The following AGAP1 variants were observed in gnomAD, a reference collection of about 807,000 sequenced individuals.
AGAP1 encodes the protein arf-GAP with GTPase, ANK repeat and PH domain-containing protein 1.
Under a neutral mutation model 105.3 loss-of-function variants are expected in AGAP1, and 29 were observed. That is an observed-to-expected ratio of 0.28 (90% CI 0.21 to 0.38). The LOEUF (loss-of-function observed/expected upper bound fraction) is 0.38, where lower values mean the gene tolerates loss of function less well. Among genes scored for constraint, AGAP1 ranks in the 10% least tolerant of loss-of-function variants. AGAP1 has a pLI of 1.00. For synonymous variants in AGAP1, 509 were observed against 485.9 expected (o/e 1.05, Z -0.63); for missense variants, 998 against 1,165.1 (o/e 0.86, Z 2.09).
chr2:235,767,324 G>C (rs965075160), intron 6 of AGAP1, among the ~76,000 whole-genome samples: 1 of 152,208 alleles, frequency 6.6e-6, no homozygotes, highest in Non-Finnish European at 1.5e-5. Flanking sequence ...GGCACCTCAC[G>C]TTAGCGTCTG....
intron 3 of AGAP1, chr2:235,718,397 CTA>C (rs1189328377): frequency 4.1e-6 from 4 of 984,656 alleles, no homozygotes; most frequent in Non-Finnish European, 4.8e-6. Context: ...ATGCAGGTAA[CTA>C]TTCATTTTCT....
chr2:235,641,174 A>G lies in AGAP1; in HGVS notation c.164-68005A>G, dbSNP rs527582146. On this transcript the variant is annotated intron_variant, in intron 1 of 17. Coordinates refer to ENST00000304032, the MANE Select transcript of AGAP1 (RefSeq NM_001037131.3). ...CAGAAATGGAGTTGGTCAGACCTACACTTTATCTGAAACAATGCATAATGG... is the reference window on the plus strand; with the variant it reads ...CAGAAATGGAGTTGGTCAGACCTACGCTTTATCTGAAACAATGCATAATGG... 2.6e-5 allele frequency among the ~76,000 whole-genome samples: 4 copies of G among 152,322 alleles called. No homozygotes were observed. In the South Asian group the frequency reaches 6.2e-4, roughly 24 times the overall value.
intron 13 of AGAP1, among the ~76,000 whole-genome samples, chr2:235,986,349 T>TATC (rs755590820): frequency 3.3e-5 from 5 of 152,208 alleles, no homozygotes; most frequent in Non-Finnish European, 5.9e-5. Flanking sequence ...TGAAGTTGCT[T>TATC]ATCAGTTCAA....
intron 9 of AGAP1, among the ~76,000 whole-genome samples, chr2:235,853,608 G>A (rs1414279799): frequency 6.6e-6 from 1 of 152,094 alleles, no homozygotes; most frequent in Non-Finnish European, 1.5e-5. Context: ...GGGACTTAAG[G>A]CCAGAATGTT....
chr2:236,050,271 A>C lies in AGAP1; in HGVS notation c.2114+990A>C, dbSNP rs756637439. 3.3e-5 allele frequency among the ~76,000 whole-genome samples: 5 copies of C among 152,232 alleles called. No homozygotes were observed. The highest frequency in any genetic ancestry group is 1.2e-4 in the African/African-American group (5 of 41,472). Reference sequence around the variant, plus strand: ...CGTTCGTGGACTTCAGTTCATTAACACTGAAAAATGAATTTGTGGTGCCAC... The same window carrying C: ...CGTTCGTGGACTTCAGTTCATTAACCCTGAAAAATGAATTTGTGGTGCCAC... On this transcript the variant is annotated intron_variant, in intron 16 of 17. Transcript: ENST00000304032. The surrounding 1 kb of genome is among the most constrained non-coding windows in gnomAD (Gnocchi z 4.0).
chr2:236,017,743 TTTTTC>T (rs1437827801), intron 13 of AGAP1, among the ~76,000 whole-genome samples: 1 of 152,212 alleles, frequency 6.6e-6, no homozygotes, highest in African/African-American at 2.4e-5. Context: ...TCTGAAGCCC[TTTTTC>T]TTTTATGTCC....
rs1303411942 is a variant in AGAP1 at position 236,003,139 on chromosome 2, G to A, written c.1646-33422G>A. ...CTCTTACTGCAGCCTCTGCCTCCCA[G>A]GTTCAAGCAGTTCTTGTGCCTCAAC... On this transcript the variant is annotated intron_variant, in intron 13 of 17. Coordinates refer to ENST00000304032, the MANE Select transcript of AGAP1 (RefSeq NM_001037131.3). The surrounding 1 kb of genome is among the most constrained non-coding windows in gnomAD (Gnocchi z 4.2). Among the ~76,000 whole-genome samples, 1 of 152,212 alleles carries A rather than the reference G, an allele frequency of 6.6e-6. No individual in the cohort carries two copies. The highest frequency in any genetic ancestry group is 1.5e-5 in the Non-Finnish European group (1 of 68,038).
At chr2:235,651,706 A>G (rs1947601366) in intron 1 of AGAP1, among the ~76,000 whole-genome samples, 1 of 152,070 alleles carries the variant, frequency 6.6e-6, no homozygotes, top group Non-Finnish European at 1.5e-5. Context: ...GGGAAGGGAA[A>G]CCTTTTTATA....
At position 235,741,044 on chromosome 2, in the gene AGAP1, C is replaced by T. The variant is rs759271722; in HGVS notation, c.392C>T (p.Ala131Val). 3.7e-6 allele frequency: 6 copies of T among 1,613,994 alleles called. No homozygotes were observed. Among genetic ancestry groups the T allele is most frequent in the Non-Finnish European group, 5.1e-6 (6 of 1,179,896 alleles). Residue 131 changes from alanine (A) to valine (V), a missense_variant, in exon 4 of 18, where the codon GCG (alanine) becomes GTG (valine). Around this residue, in one of 3 missense-constraint regions of AGAP1, gnomAD observed 735 missense variants for 833.4 expected, o/e 0.88. Coordinates refer to ENST00000304032, the MANE Select transcript of AGAP1 (RefSeq NM_001037131.3). The surrounding 1 kb of genome is among the most constrained non-coding windows in gnomAD (Gnocchi z 4.9). ...LIRDEGGPPE[A>V]QFAMWVDAVI... ...AGAGATGAAGGGGGCCCCCCGGAGG[C>T]GCAGGTGAGTATACATGCATGCCCC...
chr2:235,893,219 T>C lies in AGAP1; in HGVS notation c.1155+9770T>C, dbSNP rs962997230. ...CGTGGGTGTGCCATGTCCATCATAA[T>C]GAAGCACCATGTCTGTAGCGCGGGT... On this transcript the variant is annotated intron_variant, in intron 10 of 17. Transcript: ENST00000304032. This position sits in a 1 kb window ranked among gnomAD's most constrained non-coding sequence, Gnocchi z 4.7. 2.0e-5 allele frequency among the ~76,000 whole-genome samples: 3 copies of C among 148,210 alleles called. No homozygotes were observed. Among genetic ancestry groups the C allele is most frequent in the African/African-American group, 7.5e-5 (3 of 39,888 alleles).
In AGAP1 at chr2:235,882,557, G is replaced by A. The variant is rs1306115626; in HGVS notation, c.1051-788G>A. ...AGCTCACTGCAACACTCTGCCTCCT[G>A]GGTTCAAGCAATTCCCCTGCTCAGC... On this transcript the variant is annotated intron_variant, in intron 9 of 17. Coordinates refer to ENST00000304032, the MANE Select transcript of AGAP1 (RefSeq NM_001037131.3). The surrounding 1 kb of genome is among the most constrained non-coding windows in gnomAD (Gnocchi z 4.6). The A allele has an allele frequency of 1.3e-6, 1 of 789,034 alleles. No homozygotes were observed. Among genetic ancestry groups the A allele is most frequent in the African/African-American group, 1.8e-5 (1 of 56,620 alleles). The allele number at this position is 789,034 out of a possible 1,614,324, so 48.9% of individuals were successfully genotyped here.
Position 236,092,204 on chromosome 2 carries a change from C to G in AGAP1, c.2115-27988C>G, listed in dbSNP as rs1223293126. Among the ~76,000 whole-genome samples, 1 of 152,154 alleles carries G rather than the reference C, an allele frequency of 6.6e-6. No individual in the cohort carries two copies. Among genetic ancestry groups the G allele is most frequent in the Non-Finnish European group, 1.5e-5 (1 of 68,028 alleles). On this transcript the variant is annotated intron_variant, in intron 16 of 17. Coordinates refer to ENST00000304032, the MANE Select transcript of AGAP1 (RefSeq NM_001037131.3). The surrounding 1 kb of genome is among the most constrained non-coding windows in gnomAD (Gnocchi z 4.7). ...CAGGAACGTACATGTGACCAAATTG[C>G]ATTGAACCAATTCCATGGACACATA...
At chr2:235,839,341 C>T (rs540971742) in intron 9 of AGAP1, among the ~76,000 whole-genome samples, 2 of 152,318 alleles carry the variant, frequency 1.3e-5, no homozygotes, top group East Asian at 1.9e-4. Flanking sequence ...GCACACACTC[C>T]GTCCACGGAG....
chr2:236,071,443 C>T (rs762224415), intron 16 of AGAP1, among the ~76,000 whole-genome samples: 2 of 152,174 alleles, frequency 1.3e-5, no homozygotes, highest in Admixed American at 6.5e-5. Flanking sequence ...CTTGGGGTGG[C>T]AGGGCCTGAC....
At chr2:235,950,376 G>A (rs1216958267) in intron 12 of AGAP1, among the ~76,000 whole-genome samples, 1 of 151,672 alleles carries the variant, frequency 6.6e-6, no homozygotes, top group East Asian at 1.9e-4. Flanking sequence ...GATATCACAG[G>A]GTGTGTGGGC....
chr2:235,860,073 AGTTT>A (rs2048864732), intron 9 of AGAP1, among the ~76,000 whole-genome samples: 1 of 152,156 alleles, frequency 6.6e-6, no homozygotes, highest in South Asian at 2.1e-4. Context: ...CCTTCATCTC[AGTTT>A]GTTTTCTTCT....
rs10178232 is a variant in AGAP1, at chr2:236,082,553, G to T, written c.2114+33272G>T. ...AGGGGCAAACAGCTCACCTGCAGTGGTGATTGGTTTACAAAATTCACCTAG... is the reference window on the plus strand; with the variant it reads ...AGGGGCAAACAGCTCACCTGCAGTGTTGATTGGTTTACAAAATTCACCTAG... On this transcript the variant is annotated intron_variant, in intron 16 of 17. Transcript: ENST00000304032. The surrounding 1 kb of genome is among the most constrained non-coding windows in gnomAD (Gnocchi z 4.2). Among the ~76,000 whole-genome samples, 3 of 152,224 alleles carry T rather than the reference G, an allele frequency of 2.0e-5. No individual in the cohort carries two copies. Among genetic ancestry groups the T allele is most frequent in the African/African-American group, 2.4e-5 (1 of 41,460 alleles).
chr2:236,065,432 A>G (rs2058320458), intron 16 of AGAP1, among the ~76,000 whole-genome samples: 1 of 152,212 alleles, frequency 6.6e-6, no homozygotes, highest in Non-Finnish European at 1.5e-5. Flanking sequence ...TGAAGCAGCC[A>G]TCAAAGAAAG....
intron 12 of AGAP1, among the ~76,000 whole-genome samples, chr2:235,952,728 T>G (rs2053790424): frequency 1.3e-5 from 2 of 150,840 alleles, no homozygotes; most frequent in African/African-American, 2.5e-5. Flanking sequence ...ATCTGGAGTT[T>G]CCGCACACAC....
Sources: allele counts gnomAD v4.1 joint callset (sites outside exome capture counted in the v4.1 genomes callset), GRCh38; gene constraint gnomAD v4.1.1; regional missense constraint gnomAD v4.1.1; non-coding constraint Gnocchi (gnomAD v3.1); transcripts MANE v1.5; gene names NCBI Gene and HGNC (gene_info 2026-07-23, HGNC 2026-07-21).